The following NOX4 variants were observed in gnomAD, a reference collection of about 807,000 sequenced individuals.
The protein encoded by NOX4 is kidney oxidase-1.
NOX4 carries 69 observed loss-of-function variants against 87.6 expected under a neutral mutation model. That is an observed-to-expected ratio of 0.79 (90% confidence interval 0.65 to 0.96). The LOEUF (loss-of-function observed/expected upper bound fraction) is 0.96, where lower values mean the gene tolerates loss of function less well. Among genes scored for constraint, NOX4 ranks in the 40% least tolerant of loss-of-function variants. The pLI, the probability that NOX4 is intolerant of heterozygous loss-of-function variation, is 0.00. For synonymous variants in NOX4, 275 were observed against 238.2 expected (o/e 1.15, Z -1.42); for missense variants, 680 against 681.5 (o/e 1.00, Z 0.02).
In NOX4 at chr11:89,326,822, A is replaced by G. The variant is rs760714742; in HGVS notation, c.1671T>C (p.His557=). The change falls in exon 18 of 18, where the codon CAT becomes CAC. Residue 557 remains histidine (H), a synonymous_variant. Coordinates refer to ENST00000263317, the MANE Select transcript of NOX4 (RefSeq NM_016931.5). ...CGPNSLSKTL[H]KLSNQNNSYG... ...ATGAGTTGTTCTGGTTACTCAGTTT[A>G]TGAAGAGTCTTGGATAGTGAATTGG... 1 of 1,613,196 alleles carries G rather than the reference A, an allele frequency of 6.2e-7. No individual in the cohort carries two copies. The highest frequency in any genetic ancestry group is 1.3e-5 in the African/African-American group (1 of 74,988).
At chr11:89,564,393 C>A in the NOX4 span, among the ~76,000 whole-genome samples, 1 of 152,112 alleles carries the variant, frequency 6.6e-6, no homozygotes. Flanking sequence ...CATTTTTAAA[C>A]ACTCAGATAC....
upstream of NOX4, among the ~76,000 whole-genome samples, chr11:89,502,271 C>T (rs1486545641): frequency 6.6e-6 from 1 of 152,062 alleles, no homozygotes; most frequent in Non-Finnish European, 1.5e-5. Context: ...CTTATCGGAA[C>T]ACAGAACTGC....
chr11:89,555,777 T>C, the NOX4 span, among the ~76,000 whole-genome samples: 4 of 152,106 alleles, frequency 2.6e-5, no homozygotes, highest in African/African-American at 9.7e-5. Context: ...CATGTATGTG[T>C]AAGCAGAGAA....
the NOX4 span, among the ~76,000 whole-genome samples, chr11:89,518,375 G>A: frequency 1.4e-4 from 14 of 102,404 alleles, no homozygotes; most frequent in African/African-American, 2.1e-4. Context: ...GAAAGTCTTG[G>A]GGGGGGGACA....
intron 11 of NOX4, among the ~76,000 whole-genome samples, chr11:89,385,919 C>T (rs317170): frequency 0.56 from 85,498 of 151,886 alleles, 25,755 homozygotes; most frequent in African/African-American, 0.77. Context: ...CCCACCTCTA[C>T]ATAGTCCAAT....
chr11:89,524,814 G>A, the NOX4 span, among the ~76,000 whole-genome samples: 1 of 151,752 alleles, frequency 6.6e-6, no homozygotes, highest in Non-Finnish European at 1.5e-5. Context: ...TAACATTTTT[G>A]TGGTGAGAAC....
chr11:89,397,644 T>A (rs944488587), intron 11 of NOX4, among the ~76,000 whole-genome samples: 49 of 151,892 alleles, frequency 3.2e-4, no homozygotes, highest in African/African-American at 1.2e-3. Context: ...TGACCACTGA[T>A]CCCACAGAAA....
At chr11:89,524,804 T>C in the NOX4 span, among the ~76,000 whole-genome samples, 1 of 152,138 alleles carries the variant, frequency 6.6e-6, no homozygotes, top group African/African-American at 2.4e-5. Context: ...TACCTCACAT[T>C]AACATTTTTG....
upstream of NOX4, among the ~76,000 whole-genome samples, chr11:89,495,760 T>C (rs551150938): frequency 1.3e-5 from 2 of 152,288 alleles, no homozygotes; most frequent in Non-Finnish European, 2.9e-5. Context: ...CCTCAAGAAG[T>C]CAAAAATTAT....
At chr11:89,399,432 A>AATAT (rs1208007737) in intron 11 of NOX4, among the ~76,000 whole-genome samples, 4,482 of 74,778 alleles carry the variant, frequency 0.06, 144 homozygotes, top group Non-Finnish European at 0.071. Flanking sequence ...CAAGAAATTA[A>AATAT]ATATATATAT....
intron 11 of NOX4, among the ~76,000 whole-genome samples, chr11:89,397,399 A>T (rs1040993579): frequency 1.3e-5 from 2 of 152,182 alleles, no homozygotes; most frequent in African/African-American, 4.8e-5. Flanking sequence ...TAATATCACA[A>T]TTAAATGAAC....
chr11:89,554,500 T>G, the NOX4 span, among the ~76,000 whole-genome samples: 1 of 152,264 alleles, frequency 6.6e-6, no homozygotes, highest in Admixed American at 6.5e-5. Context: ...TATTTTCACA[T>G]AATTCATTTA....
the NOX4 span, among the ~76,000 whole-genome samples, chr11:89,509,761 C>T: frequency 6.6e-6 from 1 of 151,950 alleles, no homozygotes. Context: ...CAATGACCTG[C>T]CTTATAACAC....
At chr11:89,437,937 C>T (rs1351267792) in intron 6 of NOX4, among the ~76,000 whole-genome samples, 2 of 151,864 alleles carry the variant, frequency 1.3e-5, no homozygotes, top group Non-Finnish European at 2.9e-5. Context: ...AAAAGGCAGG[C>T]AGTAGCGAGA....
chr11:89,535,326 C>T, the NOX4 span, among the ~76,000 whole-genome samples: 4 of 152,204 alleles, frequency 2.6e-5, no homozygotes, highest in Non-Finnish European at 5.9e-5. Flanking sequence ...AGTTATTTGA[C>T]TATGCTCTTT....
At chr11:89,546,375 C>G in the NOX4 span, among the ~76,000 whole-genome samples, 1 of 152,158 alleles carries the variant, frequency 6.6e-6, no homozygotes, top group Non-Finnish European at 1.5e-5. Context: ...TCTTACCCTG[C>G]CTATATCCTT....
At position 89,325,024 on chromosome 11, in the gene NOX4, G is replaced by A. The variant is rs1945166423; in HGVS notation, c.*1732C>T. The A allele has an allele frequency of 6.7e-6, 1 of 149,894 alleles. No homozygotes were observed. The highest frequency in any genetic ancestry group is 6.6e-5 in the Admixed American group (1 of 15,072). 9.3% of individuals were successfully genotyped at this position (149,894 alleles called of 1,614,324 possible). On this transcript the variant is annotated 3_prime_UTR_variant, in exon 18 of 18. Coordinates refer to ENST00000263317, the MANE Select transcript of NOX4 (RefSeq NM_016931.5). ...TAACATTTTAACAATGGCAAGGTAA[G>A]TCACACTGCTGATTTCAGCAGTGTT...
At chr11:89,399,442 T>TATAA (rs1555014607) in intron 11 of NOX4, among the ~76,000 whole-genome samples, 3 of 125,770 alleles carry the variant, frequency 2.4e-5, no homozygotes, top group African/African-American at 8.8e-5. Context: ...AATATATATA[T>TATAA]ATATATATAT....
At chr11:89,455,719 CATATATATAT>C (rs60864771) in intron 2 of NOX4, among the ~76,000 whole-genome samples, 10 of 141,066 alleles carry the variant, frequency 7.1e-5, no homozygotes, top group Non-Finnish European at 1.1e-4. Context: ...AAGATGAAGT[CATATATATAT>C]ATATATATAT....
Sources: gnomAD v4.1 joint callset for allele counts (sites outside exome capture counted in the v4.1 genomes callset) on GRCh38, gnomAD v4.1.1 for gene constraint, MANE v1.5 for transcripts, NCBI Gene and HGNC (gene_info 2026-07-23, HGNC 2026-07-21) for gene names.